AHCYL2: variants seen among roughly 807,000 people sequenced by gnomAD.
AHCYL2 encodes adenosylhomocysteinase like 2, also known as S-adenosylhomocysteine hydrolase-like protein 2.
In AHCYL2, 28 loss-of-function variants were observed where a neutral mutation model predicts 81.4. The observed-to-expected ratio is 0.34, with a 90% CI of 0.25 to 0.47. The LOEUF (loss-of-function observed/expected upper bound fraction) is 0.47. Ranked by LOEUF, AHCYL2 falls within the 20% of genes least tolerant of loss-of-function variation. The pLI is 1.00. For missense variants in AHCYL2, 551 were observed against 785.1 expected (o/e 0.70, Z 3.56); for synonymous variants, 272 against 290.2 (o/e 0.94, Z 0.64).
intron 1 of AHCYL2, among the ~76,000 whole-genome samples, chr7:129,330,335 C>A (rs1466096954): frequency 6.6e-6 from 1 of 151,918 alleles, no homozygotes; most frequent in Non-Finnish European, 1.5e-5. Flanking sequence ...AAAATGGAAA[C>A]AATAAAGTAA....
intron 1 of AHCYL2, among the ~76,000 whole-genome samples, chr7:129,334,937 T>C (rs1053566053): frequency 6.6e-6 from 1 of 152,250 alleles, no homozygotes; most frequent in Non-Finnish European, 1.5e-5. Flanking sequence ...TTTTGATCTG[T>C]ATTGTTACTA....
At chr7:129,320,873 A>C (rs1797991245) in intron 1 of AHCYL2, among the ~76,000 whole-genome samples, 1 of 152,188 alleles carries the variant, frequency 6.6e-6, no homozygotes, top group Admixed American at 6.5e-5. Flanking sequence ...GGAATCATAC[A>C]ATGTATGATC....
intron 11 of AHCYL2, among the ~76,000 whole-genome samples, chr7:129,412,016 G>A (rs1796602789): frequency 1.3e-5 from 2 of 152,102 alleles, no homozygotes; most frequent in South Asian, 2.1e-4. Context: ...TGGGTGTATA[G>A]TAAGAGTAGA....
chr7:129,261,216 T>C (rs1051612080), intron 1 of AHCYL2, among the ~76,000 whole-genome samples: 3 of 152,252 alleles, frequency 2.0e-5, no homozygotes, highest in Admixed American at 2.0e-4. Context: ...TCTTTTATAA[T>C]CTTTAATGAT....
chr7:129,275,661 T>C (rs1796175465), intron 1 of AHCYL2, among the ~76,000 whole-genome samples: 1 of 152,162 alleles, frequency 6.6e-6, no homozygotes, highest in African/African-American at 2.4e-5. Context: ...AGCAAGAAGC[T>C]ATAATTCCAA....
At chr7:129,257,668 A>T (rs1795474204) in intron 1 of AHCYL2, among the ~76,000 whole-genome samples, 1 of 152,186 alleles carries the variant, frequency 6.6e-6, no homozygotes, top group Non-Finnish European at 1.5e-5. Flanking sequence ...ACACAGGTTC[A>T]TAAGGGGTCA....
intron 6 of AHCYL2, among the ~76,000 whole-genome samples, chr7:129,401,161 C>A (rs149274592): frequency 6.6e-6 from 1 of 152,008 alleles, no homozygotes; most frequent in Admixed American, 6.6e-5. Flanking sequence ...ACAAAAAATA[C>A]AAAAATTAGC....
At chr7:129,240,407 A>G (rs1287934794) in intron 1 of AHCYL2, among the ~76,000 whole-genome samples, 2 of 151,988 alleles carry the variant, frequency 1.3e-5, no homozygotes, top group African/African-American at 2.4e-5. Flanking sequence ...TAAGGTTTTC[A>G]TGGAGCGTGA....
At position 129,281,489 on chromosome 7, in the gene AHCYL2, ATTTTTTTTT is replaced by A. The variant is rs34422629; in HGVS notation, c.363+56067_363+56075del. On this transcript the variant is annotated intron_variant, in intron 1 of 16. Transcript: ENST00000325006. ...ATTTTATTAGTTCTTCTGTTTCTAG[ATTTTTTTTT>A]TTTTTTTTTTTTTTTTGAGACAGGG... Among the ~76,000 whole-genome samples the A allele has an allele frequency of 8.1e-4, 60 of 74,168 alleles. 1 individual carries two copies. In the South Asian group the frequency reaches 0.025, roughly 31 times the overall value. The allele number at this position is 74,168 out of a possible 152,430, so 48.7% of individuals were successfully genotyped here.
chr7:129,282,080 T>C (rs1327912855), intron 1 of AHCYL2, among the ~76,000 whole-genome samples: 1 of 152,224 alleles, frequency 6.6e-6, no homozygotes, highest in Non-Finnish European at 1.5e-5. Flanking sequence ...TCCATTATGG[T>C]TAGAGAACAT....
intron 1 of AHCYL2, chr7:129,376,075 C>A: frequency 1.0e-6 from 1 of 989,842 alleles, no homozygotes; most frequent in South Asian, 1.6e-5. Context: ...CAGTCTCTTT[C>A]CCTCCCTTGC....
intron 1 of AHCYL2, among the ~76,000 whole-genome samples, chr7:129,283,227 G>A (rs977756003): frequency 6.6e-6 from 1 of 152,130 alleles, no homozygotes; most frequent in Non-Finnish European, 1.5e-5. Context: ...ATAGCCCTGG[G>A]CTCTACTTGG....
At chr7:129,383,297 C>G (rs748931985) in intron 2 of AHCYL2, among the ~76,000 whole-genome samples, 2 of 152,042 alleles carry the variant, frequency 1.3e-5, no homozygotes, top group African/African-American at 4.8e-5. Context: ...TCCCCAGTAA[C>G]TAGGACTACA....
chr7:129,225,460 C>A, intron 1 of AHCYL2, 21 bp downstream of exon 1: 2 of 1,490,180 alleles, frequency 1.3e-6, no homozygotes, highest in Admixed American at 2.3e-5. Context: ...CGGGCTGCCT[C>A]TCTAGGAGAG....
In AHCYL2 at chr7:129,428,667, AC is replaced by A. The variant is rs1268924722; in HGVS notation, c.*1625del. 1 of 151,874 alleles carries A rather than the reference AC, an allele frequency of 6.6e-6. No homozygotes were observed. Among genetic ancestry groups the A allele is most frequent in the East Asian group, 1.9e-4 (1 of 5,184 alleles). The allele number at this position is 151,874 out of a possible 1,614,324, so 9.4% of individuals were successfully genotyped here. A position where few individuals can be genotyped will look rare whatever the true frequency, so the allele number is the denominator to read the frequency against. On this transcript the variant is annotated 3_prime_UTR_variant, in exon 17 of 17. Coordinates refer to ENST00000325006, the MANE Select transcript of AHCYL2 (RefSeq NM_015328.4). ...ATCCTGATTCTCTTCTTCTACCTCTACCCTCTCCAACTTCTCCTGGTCTTCA... is the reference window on the plus strand; with the variant it reads ...ATCCTGATTCTCTTCTTCTACCTCTACCTCTCCAACTTCTCCTGGTCTTCA...
intron 1 of AHCYL2, among the ~76,000 whole-genome samples, chr7:129,232,557 G>A (rs973370219): frequency 5.3e-5 from 8 of 152,194 alleles, no homozygotes; most frequent in East Asian, 3.9e-4. Flanking sequence ...GTCACTACCC[G>A]CCATCCGCCA....
chr7:129,369,099 A>G (rs1794246186), intron 1 of AHCYL2, among the ~76,000 whole-genome samples: 1 of 152,046 alleles, frequency 6.6e-6, no homozygotes, highest in Admixed American at 6.5e-5. Flanking sequence ...CTCTCTTGGT[A>G]CAGTTCTTCA....
Position 129,236,016 on chromosome 7 carries a change from T to C in AHCYL2, c.363+10577T>C, listed in dbSNP as rs532566438. ...AAAATTTTAATTTTGGGATCAAAGA[T>C]AGCCTTTTTTTTTTTTTTTTTTGAG... On this transcript the variant is annotated intron_variant, in intron 1 of 16. Transcript: ENST00000325006. Among the ~76,000 whole-genome samples the C allele has an allele frequency of 4.7e-3, 701 of 150,602 alleles. 4 individuals carry two copies. The highest frequency in any genetic ancestry group is 0.014 in the Middle Eastern group (4 of 292).
Position 129,332,875 on chromosome 7 carries a change from G to C in AHCYL2, c.364-46763G>C, listed in dbSNP as rs114623932. ...ACTATAAGAAGGGTAGAAATTGAGG[G>C]AAGAGAGTATTCTATTTACATTTCT... On this transcript the variant is annotated intron_variant, in intron 1 of 16. Transcript: ENST00000325006. Among the ~76,000 whole-genome samples, 719 of 152,286 alleles carry C rather than the reference G, an allele frequency of 4.7e-3. 6 individuals are homozygous for C. Among genetic ancestry groups the C allele is most frequent in the African/African-American group, 0.017 (691 of 41,558 alleles).
Sources: allele counts gnomAD v4.1 joint callset (sites outside exome capture counted in the v4.1 genomes callset), GRCh38; gene constraint gnomAD v4.1.1; transcripts MANE v1.5; gene names NCBI Gene and HGNC (gene_info 2026-07-23, HGNC 2026-07-21).